Variants in MGAT4C observed in about 807,000 individuals in gnomAD.
MGAT4C encodes the protein alpha-1,3-mannosyl-glycoprotein 4-beta-N-acetylglucosaminyltransferase C.
A neutral mutation model predicts 40.1 loss-of-function variants in MGAT4C; 19 were observed. That is an observed-to-expected ratio of 0.47 (90% CI 0.33 to 0.70). The LOEUF (loss-of-function observed/expected upper bound fraction) is 0.70, where lower values mean the gene tolerates loss of function less well. Ranked by LOEUF, MGAT4C falls within the 30% of genes least tolerant of loss-of-function variation. The pLI, the probability that MGAT4C is intolerant of heterozygous loss-of-function variation, is 0.02. For missense variants in MGAT4C, 491 were observed against 563.2 expected (o/e 0.87, Z 1.30); for synonymous variants, 181 against 187.1 (o/e 0.97, Z 0.27).
intron 2 of MGAT4C, among the ~76,000 whole-genome samples, chr12:86,646,591 C>A (rs896031585): frequency 7.2e-5 from 11 of 151,758 alleles, no homozygotes; most frequent in Non-Finnish European, 1.2e-4. Flanking sequence ...TTTTATGCGG[C>A]CCTGGCTATT....
At chr12:86,725,556 G>A (rs1352538457) in intron 2 of MGAT4C, among the ~76,000 whole-genome samples, 1 of 152,116 alleles carries the variant, frequency 6.6e-6, no homozygotes, top group Non-Finnish European at 1.5e-5. Context: ...CGCCTCCTGA[G>A]TTCAAGCAAT....
intron 1 of MGAT4C, among the ~76,000 whole-genome samples, chr12:86,051,115 G>A (rs146202862): frequency 3.2e-3 from 491 of 152,076 alleles, no homozygotes; most frequent in African/African-American, 0.011. Flanking sequence ...TTGAAACATC[G>A]ATGAAGAGAA....
At chr12:86,643,396 G>A (rs1271541934) in intron 2 of MGAT4C, among the ~76,000 whole-genome samples, 1 of 151,688 alleles carries the variant, frequency 6.6e-6, no homozygotes, top group Non-Finnish European at 1.5e-5. Context: ...TTCATGAATA[G>A]CCATAACCAC....
intron 1 of MGAT4C, among the ~76,000 whole-genome samples, chr12:86,808,172 G>T (rs148619354): frequency 6.6e-6 from 1 of 152,052 alleles, no homozygotes; most frequent in Non-Finnish European, 1.5e-5. Context: ...GAACCAGATG[G>T]ATTTACAGCT....
intron 1 of MGAT4C, among the ~76,000 whole-genome samples, chr12:86,747,131 C>T (rs1293619226): frequency 2.6e-5 from 4 of 151,748 alleles, no homozygotes; most frequent in African/African-American, 9.6e-5. Flanking sequence ...AAACTCAGAG[C>T]ATCCTCCAGT....
intron 2 of MGAT4C, among the ~76,000 whole-genome samples, chr12:86,590,186 C>T (rs1961264899): frequency 6.6e-6 from 1 of 151,204 alleles, no homozygotes; most frequent in Admixed American, 6.6e-5. Flanking sequence ...AGGTGCTCTA[C>T]AGCCGCGATT....
chr12:86,246,547 C>T (rs1952038543), intron 1 of MGAT4C, among the ~76,000 whole-genome samples: 1 of 152,078 alleles, frequency 6.6e-6, no homozygotes, highest in Non-Finnish European at 1.5e-5. Context: ...GGATATATTG[C>T]TATCTTTTGT....
chr12:86,185,219 C>G (rs538774443), intron 1 of MGAT4C, among the ~76,000 whole-genome samples: 2 of 152,238 alleles, frequency 1.3e-5, no homozygotes, highest in Admixed American at 1.3e-4. Context: ...TATTTCCTTA[C>G]TTGCTTGTCT....
chr12:86,599,880 A>G (rs1403162054), intron 2 of MGAT4C, among the ~76,000 whole-genome samples: 1 of 152,154 alleles, frequency 6.6e-6, no homozygotes. Context: ...ACCATGTTCT[A>G]TGGACTCAGG....
chr12:86,363,709 A>G (rs1955531473), intron 3 of MGAT4C, among the ~76,000 whole-genome samples: 1 of 152,134 alleles, frequency 6.6e-6, no homozygotes, highest in South Asian at 2.1e-4. Context: ...ATAATATTGA[A>G]AAACCTTTTT....
At chr12:86,338,958 C>CAAAAAAAAAAAAAAAAA (rs67462771) in intron 3 of MGAT4C, among the ~76,000 whole-genome samples, 1 of 66,118 alleles carries the variant, frequency 1.5e-5, no homozygotes, top group Non-Finnish European at 2.6e-5. Flanking sequence ...GACTCCATCT[C>CAAAAAAAAAAAAAAAAA]AAAAAAAAAA....
intron 1 of MGAT4C, among the ~76,000 whole-genome samples, chr12:86,778,136 G>A (rs1277610310): frequency 1.3e-5 from 2 of 152,122 alleles, no homozygotes; most frequent in Admixed American, 6.6e-5. Context: ...ATATAAAAAT[G>A]AGGATAATAC....
intron 3 of MGAT4C, among the ~76,000 whole-genome samples, chr12:85,984,819 C>G (rs916536820): frequency 2.6e-5 from 4 of 151,878 alleles, no homozygotes; most frequent in African/African-American, 9.7e-5. Context: ...GGCTCTGTTG[C>G]CCAGGCTGGA....
At chr12:86,209,884 C>T (rs762095987) in intron 1 of MGAT4C, among the ~76,000 whole-genome samples, 2 of 152,096 alleles carry the variant, frequency 1.3e-5, no homozygotes, top group Non-Finnish European at 2.9e-5. Context: ...ACAAAAACAA[C>T]CCCTTAGGTA....
At chr12:86,296,960 A>G (rs1953697341) in intron 4 of MGAT4C, among the ~76,000 whole-genome samples, 2 of 152,250 alleles carry the variant, frequency 1.3e-5, no homozygotes, top group Non-Finnish European at 2.9e-5. Flanking sequence ...ACCTCTCAGT[A>G]ACAGCCAAAG....
intron 2 of MGAT4C, among the ~76,000 whole-genome samples, chr12:86,671,384 A>G (rs960827363): frequency 6.6e-6 from 1 of 152,186 alleles, no homozygotes; most frequent in African/African-American, 2.4e-5. Flanking sequence ...GTCAAGTCAC[A>G]TACAAAGGGA....
intron 2 of MGAT4C, among the ~76,000 whole-genome samples, chr12:86,633,812 G>A (rs572798328): frequency 6.6e-4 from 101 of 152,136 alleles, no homozygotes; most frequent in Non-Finnish European, 1.2e-3. Flanking sequence ...AATTCTAGGA[G>A]TTCATCTGAG....
chr12:86,595,377 A>C (rs1185062998), intron 2 of MGAT4C, among the ~76,000 whole-genome samples: 1 of 152,034 alleles, frequency 6.6e-6, no homozygotes, highest in Non-Finnish European at 1.5e-5. Context: ...CTAAAAATAC[A>C]AAAATTAGCA....
intron 2 of MGAT4C, among the ~76,000 whole-genome samples, chr12:86,518,635 A>G (rs1176692596): frequency 2.6e-5 from 4 of 152,252 alleles, no homozygotes; most frequent in Non-Finnish European, 1.5e-5. Context: ...GAGCTTTTAG[A>G]AAGTTTAACA....
Sources: allele counts gnomAD v4.1 joint callset (sites outside exome capture counted in the v4.1 genomes callset), GRCh38; gene constraint gnomAD v4.1.1; transcripts MANE v1.5; gene names NCBI Gene and HGNC (gene_info 2026-07-23, HGNC 2026-07-21).